Variants in ZNF487 observed in about 807,000 individuals in gnomAD.
The protein encoded by ZNF487 is KRAB domain only 1.
In ZNF487, 4 loss-of-function variants were observed where a neutral mutation model predicts 3.0. The observed-to-expected ratio is 1.35, with a 90% CI of 0.66 to 3.08. The LOEUF (loss-of-function observed/expected upper bound fraction) is 3.08, where lower values mean the gene tolerates loss of function less well. ZNF487 is among the 30% of genes most tolerant of loss of function. The pLI is 0.01. For synonymous variants in ZNF487, 55 were observed against 34.6 expected, an observed-to-expected ratio of 1.59 and a Z score of -2.06; for missense variants, 146 against 98.7, an observed-to-expected ratio of 1.48 and a Z score of -2.03.
chr10:43,512,670 A>G, the ZNF487 span, among the ~76,000 whole-genome samples: 5 of 152,172 alleles, frequency 3.3e-5, no homozygotes, highest in Admixed American at 1.3e-4. Context: ...CTCCAGCACC[A>G]TTGGATCTGT....
chr10:43,489,899 T>G, the ZNF487 span, among the ~76,000 whole-genome samples: 1 of 152,196 alleles, frequency 6.6e-6, no homozygotes, highest in African/African-American at 2.4e-5. Flanking sequence ...AAATAAGTTA[T>G]AGACTTAAAC....
chr10:43,497,620 A>G, the ZNF487 span, among the ~76,000 whole-genome samples: 1 of 152,146 alleles, frequency 6.6e-6, no homozygotes, highest in African/African-American at 2.4e-5. Flanking sequence ...TGTTCCCCAA[A>G]CAGGATTTGT....
chr10:43,510,355 T>C, the ZNF487 span, among the ~76,000 whole-genome samples: 1 of 152,152 alleles, frequency 6.6e-6, no homozygotes, highest in Non-Finnish European at 1.5e-5. Flanking sequence ...TCTGGGTCAT[T>C]TGTAGTCCTG....
At chr10:43,500,973 C>T in the ZNF487 span, among the ~76,000 whole-genome samples, 17 of 152,180 alleles carry the variant, frequency 1.1e-4, no homozygotes, top group African/African-American at 3.1e-4. Context: ...GACAAGGATA[C>T]ACTCTGGGAC....
chr10:43,492,424 C>T, the ZNF487 span, among the ~76,000 whole-genome samples: 2 of 148,708 alleles, frequency 1.3e-5, no homozygotes, highest in African/African-American at 2.5e-5. Context: ...TATCAGTCCA[C>T]AAACATGATT....
chr10:43,499,002 T>C, the ZNF487 span, among the ~76,000 whole-genome samples: 1 of 151,886 alleles, frequency 6.6e-6, no homozygotes, highest in Non-Finnish European at 1.5e-5. Flanking sequence ...TGAGTAATAC[T>C]TGTTGCGTGT....
At chr10:43,463,142 G>A (rs1840493595) in intron 1 of ZNF487, among the ~76,000 whole-genome samples, 1 of 151,976 alleles carries the variant, frequency 6.6e-6, no homozygotes, top group Non-Finnish European at 1.5e-5. Context: ...GCTGTGGCAG[G>A]AGAATTGCTT....
downstream of ZNF487, chr10:43,483,241 CTTG>C (rs1841431981): frequency 8.0e-6 from 3 of 377,358 alleles, no homozygotes; most frequent in Non-Finnish European, 1.5e-5. Flanking sequence ...CTTTTCTTTT[CTTG>C]TTGTTACTTT....
At chr10:43,518,749 G>A in the ZNF487 span, among the ~76,000 whole-genome samples, 14 of 152,022 alleles carry the variant, frequency 9.2e-5, no homozygotes, top group Admixed American at 9.2e-4. Flanking sequence ...ACTACCCTAT[G>A]GACCTTCTGT....
the ZNF487 span, among the ~76,000 whole-genome samples, chr10:43,504,842 G>T: frequency 6.6e-6 from 1 of 151,810 alleles, no homozygotes; most frequent in Non-Finnish European, 1.5e-5. Flanking sequence ...GAGTAGCTGG[G>T]ACTACAGGCA....
the ZNF487 span, among the ~76,000 whole-genome samples, chr10:43,494,674 G>A: frequency 4.8e-4 from 72 of 150,494 alleles, no homozygotes; most frequent in Middle Eastern, 6.9e-3. Context: ...GAGGCTGGGC[G>A]TGAGGCTCAC....
downstream of ZNF487, among the ~76,000 whole-genome samples, chr10:43,484,276 A>G (rs984775384): frequency 7.2e-5 from 11 of 152,148 alleles, no homozygotes; most frequent in Non-Finnish European, 1.3e-4. Flanking sequence ...GAGAGAATCA[A>G]TGAATTATTA....
chr10:43,513,431 A>G, the ZNF487 span, among the ~76,000 whole-genome samples: 1 of 152,226 alleles, frequency 6.6e-6, no homozygotes, highest in African/African-American at 2.4e-5. Context: ...TAAGCTTACA[A>G]TAATCCATGG....
chr10:43,510,346 C>CT, the ZNF487 span, among the ~76,000 whole-genome samples: 1 of 152,112 alleles, frequency 6.6e-6, no homozygotes, highest in African/African-American at 2.4e-5. Context: ...CCTGAAGGGT[C>CT]TGGGTCATTT....
intron 1 of ZNF487, among the ~76,000 whole-genome samples, chr10:43,469,796 A>G (rs1475172941): frequency 6.6e-6 from 1 of 152,040 alleles, no homozygotes; most frequent in Non-Finnish European, 1.5e-5. Flanking sequence ...CAAAAAATAG[A>G]AAAATTAGGT....
intron 1 of ZNF487, among the ~76,000 whole-genome samples, chr10:43,458,369 C>T (rs964265167): frequency 2.0e-5 from 3 of 152,122 alleles, no homozygotes; most frequent in Non-Finnish European, 4.4e-5. Context: ...AGGTGGCTTC[C>T]GGGGTCTTAG....
At chr10:43,497,547 C>T in the ZNF487 span, among the ~76,000 whole-genome samples, 1 of 152,166 alleles carries the variant, frequency 6.6e-6, no homozygotes, top group Non-Finnish European at 1.5e-5. Context: ...ATGGCGCCTG[C>T]ACTAGCTCAG....
the ZNF487 span, among the ~76,000 whole-genome samples, chr10:43,501,012 C>G: frequency 1.3e-5 from 2 of 152,162 alleles, no homozygotes; most frequent in Non-Finnish European, 2.9e-5. Flanking sequence ...GCTGTGCAAA[C>G]ATCATAGAGT....
chr10:43,457,641 G>A, intron 1 of ZNF487, among the ~76,000 whole-genome samples: 1 of 150,570 alleles, frequency 6.6e-6, no homozygotes, highest in Admixed American at 6.7e-5. Context: ...AGTGAGCCGA[G>A]ATCACACCAC....
Sources: gnomAD v4.1 joint callset for allele counts (sites outside exome capture counted in the v4.1 genomes callset) on GRCh38, gnomAD v4.1.1 for gene constraint, MANE v1.5 for transcripts, NCBI Gene and HGNC (gene_info 2026-07-23, HGNC 2026-07-21) for gene names.